Variants in USP34 observed in about 807,000 individuals in gnomAD.
USP34 encodes ubiquitin specific peptidase 34, also known as ubiquitin carboxyl-terminal hydrolase 34.
USP34 carries 70 observed loss-of-function variants against 460.3 expected under a neutral mutation model. The observed-to-expected ratio is 0.15, with a 90% CI of 0.13 to 0.19. The LOEUF (loss-of-function observed/expected upper bound fraction) is 0.19. Among genes scored for constraint, USP34 ranks in the 10% least tolerant of loss-of-function variants. The pLI is 1.00. For synonymous variants in USP34, 1,647 were observed against 1,405.3 expected (o/e 1.17, Z -3.85); for missense variants, 3,985 against 4,236.2 (o/e 0.94, Z 1.65).
At chr2:61,242,558 T>C (rs1572864633) in intron 51 of USP34, among the ~76,000 whole-genome samples, 1 of 151,076 alleles carries the variant, frequency 6.6e-6, no homozygotes, top group Non-Finnish European at 1.5e-5. Flanking sequence ...AGTAAAGATC[T>C]AGAATTTGAA....
intron 1 of USP34, among the ~76,000 whole-genome samples, chr2:61,437,697 C>A (rs868625406): frequency 6.6e-6 from 1 of 151,868 alleles, no homozygotes; most frequent in Non-Finnish European, 1.5e-5. Flanking sequence ...GGCTTGAACA[C>A]GGGAGGCGGA....
At chr2:61,346,527 T>TTA (rs1691772819) in intron 15 of USP34, among the ~76,000 whole-genome samples, 1 of 44,254 alleles carries the variant, frequency 2.3e-5, no homozygotes, top group Non-Finnish European at 3.7e-5. Flanking sequence ...CCCTATCTCT[T>TTA]AAAAAAAAAA....
intron 1 of USP34, among the ~76,000 whole-genome samples, chr2:61,432,752 C>G (rs1346290488): frequency 1.3e-5 from 2 of 151,838 alleles, no homozygotes; most frequent in Non-Finnish European, 2.9e-5. Flanking sequence ...AAAAACTACC[C>G]ATGAGTTGGT....
chr2:61,410,332 G>A (rs1205173068), intron 2 of USP34, among the ~76,000 whole-genome samples: 1 of 152,158 alleles, frequency 6.6e-6, no homozygotes, highest in Non-Finnish European at 1.5e-5. Context: ...CACATGCACA[G>A]TTCACAACAT....
At chr2:61,330,428 A>C (rs1199448841) in intron 20 of USP34, among the ~76,000 whole-genome samples, 1 of 152,204 alleles carries the variant, frequency 6.6e-6, no homozygotes, top group Non-Finnish European at 1.5e-5. Flanking sequence ...AATAAAATCT[A>C]GAGAAGTAAC....
At position 61,283,458 on chromosome 2, in the gene USP34, TA is replaced by T; in HGVS notation, c.4833-10del. The stretch of plus-strand genomic sequence containing the variant: ...ACTGAGCTTTTAAAACTCTGTAAAG[TA>T]AAAACACCACCACCACCAATTAAAT... On this transcript the variant is annotated splice_polypyrimidine_tract_variant and intron_variant, in intron 35 of 79. Coordinates refer to ENST00000398571, the MANE Select transcript of USP34 (RefSeq NM_014709.4). The T allele has an allele frequency of 6.2e-7, 1 of 1,605,082 alleles. No homozygotes were observed. Among genetic ancestry groups the T allele is most frequent in the South Asian group, 1.1e-5 (1 of 89,468 alleles).
intron 76 of USP34, among the ~76,000 whole-genome samples, chr2:61,191,557 T>G (rs1478456976): frequency 6.6e-6 from 1 of 152,180 alleles, no homozygotes; most frequent in African/African-American, 2.4e-5. Context: ...AGTCACAGCC[T>G]GTGCCTCTGC....
chr2:61,438,842 A>G (rs1694888546), intron 1 of USP34, among the ~76,000 whole-genome samples: 1 of 152,198 alleles, frequency 6.6e-6, no homozygotes, highest in Non-Finnish European at 1.5e-5. Context: ...AGTTCTGGGC[A>G]TCCAAATTGG....
At position 61,378,936 on chromosome 2, in the gene USP34, AAC is replaced by A. The variant is rs1491506782; in HGVS notation, c.1015-514_1015-513del. ...ACGAAAAAAAAAAAAAAAAAAAAAA[AAC>A]AACACTAAATTCATTCCACAAATAG... On this transcript the variant is annotated intron_variant, in intron 7 of 79. Coordinates refer to ENST00000398571, the MANE Select transcript of USP34 (RefSeq NM_014709.4). Among the ~76,000 whole-genome samples, 6 of 147,250 alleles carry A rather than the reference AAC, an allele frequency of 4.1e-5. No individual in the cohort carries two copies. In the East Asian group the frequency reaches 7.8e-4, roughly 19 times the overall value.
At chr2:61,422,254 T>G (rs969552870) in intron 1 of USP34, among the ~76,000 whole-genome samples, 3 of 152,186 alleles carry the variant, frequency 2.0e-5, no homozygotes, top group Non-Finnish European at 4.4e-5. Flanking sequence ...CCATGCCAGT[T>G]TTCCTTCCCC....
intron 2 of USP34, chr2:61,417,181 A>T (rs867477267): frequency 1.5e-5 from 23 of 1,576,340 alleles, no homozygotes; most frequent in East Asian, 4.5e-5. Flanking sequence ...GGCACCTCAC[A>T]TGCCTGTTTG....
At chr2:61,201,250 T>A (rs923328231) in intron 75 of USP34, among the ~76,000 whole-genome samples, 20 of 147,704 alleles carry the variant, frequency 1.4e-4, no homozygotes, top group Middle Eastern at 3.5e-3. Flanking sequence ...TGGGTCTCGC[T>A]TAGTCACCAG....
chr2:61,447,804 C>T (rs1171213930), intron 1 of USP34, among the ~76,000 whole-genome samples: 1 of 152,156 alleles, frequency 6.6e-6, no homozygotes, highest in Admixed American at 6.6e-5. Context: ...CAACCTCCGC[C>T]TACTGGGATC....
intron 19 of USP34, among the ~76,000 whole-genome samples, chr2:61,331,584 T>A: frequency 6.6e-6 from 1 of 152,054 alleles, no homozygotes; most frequent in Non-Finnish European, 1.5e-5. Flanking sequence ...TGTAAGTTTT[T>A]AATCTCAAAA....
intron 67 of USP34, among the ~76,000 whole-genome samples, chr2:61,215,257 TA>T (rs1263522178): frequency 6.6e-6 from 1 of 152,228 alleles, no homozygotes; most frequent in Admixed American, 6.5e-5. Context: ...GGAAAATCTT[TA>T]AAAGTCTTCT....
intron 41 of USP34, among the ~76,000 whole-genome samples, chr2:61,270,217 G>A (rs1009917261): frequency 2.0e-5 from 3 of 152,284 alleles, no homozygotes; most frequent in African/African-American, 7.2e-5. Context: ...CCTTATCAAC[G>A]AAGCAGTAGA....
chr2:61,211,625 A>T, intron 69 of USP34, 147 bp downstream of exon 69: 1 of 879,100 alleles, frequency 1.1e-6, no homozygotes, highest in Non-Finnish European at 1.6e-6. Context: ...AAAACTGTTT[A>T]AAAGTAGTTC....
At chr2:61,259,683 G>T in intron 44 of USP34, 28 bp downstream of exon 44, 1 of 1,605,176 alleles carries the variant, frequency 6.2e-7, no homozygotes, top group Non-Finnish European at 8.5e-7. Context: ...ACAGTGCCTG[G>T]CCTAGCCTCC....
chr2:61,233,420 G>C (rs1687971834), intron 57 of USP34, among the ~76,000 whole-genome samples: 1 of 152,158 alleles, frequency 6.6e-6, no homozygotes, highest in Non-Finnish European at 1.5e-5. Context: ...TTAACAAACA[G>C]ATGAATGCAA....
Sources: gnomAD v4.1 joint callset for allele counts (sites outside exome capture counted in the v4.1 genomes callset) on GRCh38, gnomAD v4.1.1 for gene constraint, MANE v1.5 for transcripts, NCBI Gene and HGNC (gene_info 2026-07-23, HGNC 2026-07-21) for gene names.